Variants in STEAP1 observed in about 807,000 individuals in gnomAD.
STEAP1 encodes STEAP1 protein.
A neutral mutation model predicts 34.4 loss-of-function variants in STEAP1; 30 were observed. The ratio of observed to expected loss-of-function variants is 0.87; its 90% confidence interval spans 0.65 to 1.18. The LOEUF is 1.18. Ranked by LOEUF, STEAP1 falls within the 50% of genes most tolerant of loss-of-function variation. The probability of loss-of-function intolerance (pLI) is 0.00; values close to 1 mark genes in which losing one functional copy is unlikely to be tolerated. For synonymous variants in STEAP1, 116 were observed against 135.3 expected (o/e 0.86, Z 0.99); for missense variants, 318 against 391.1 (o/e 0.81, Z 1.58).
At chr7:90,154,629 C>T (rs1379081915) in intron 1 of STEAP1, 86 bp downstream of exon 1, 1 of 152,594 alleles carries the variant, frequency 6.6e-6, no homozygotes, top group Non-Finnish European at 1.5e-5. Flanking sequence ...CGCTCCCAGT[C>T]TTGGGAGGGG....
At chr7:90,163,299 C>T (rs1403501633) in intron 4 of STEAP1, among the ~76,000 whole-genome samples, 1 of 152,138 alleles carries the variant, frequency 6.6e-6, no homozygotes, top group East Asian at 1.9e-4. Flanking sequence ...GTTCTTTGGT[C>T]CTCATTAAAT....
At position 90,161,128 on chromosome 7, in the gene STEAP1, A is replaced by C; in HGVS notation, c.408A>C (p.Ala136=). The change falls in exon 3 of 5, where the codon GCA becomes GCC. Residue 136 remains alanine, a synonymous_variant. Coordinates refer to ENST00000297205, the MANE Select transcript of STEAP1 (RefSeq NM_012449.3). ...LALVYLPGVI[A]AIVQLHNGTK... ...TGGTTTACCTGCCAGGTGTGATAGCAGCAATTGTCCAACTTCATAATGGAA... is the reference window on the plus strand; with the variant it reads ...TGGTTTACCTGCCAGGTGTGATAGCCGCAATTGTCCAACTTCATAATGGAA... 1 of 1,613,966 alleles carries C rather than the reference A, an allele frequency of 6.2e-7. No individual in the cohort carries two copies. Among genetic ancestry groups the C allele is most frequent in the Non-Finnish European group, 8.5e-7 (1 of 1,179,816 alleles).
intron 4 of STEAP1, among the ~76,000 whole-genome samples, chr7:90,163,332 G>C (rs1355428676): frequency 2.0e-5 from 3 of 152,122 alleles, no homozygotes; most frequent in Non-Finnish European, 4.4e-5. Flanking sequence ...ACATTGCTCT[G>C]CCTGTTACAC....
At chr7:90,157,497 G>T (rs1794131368) in intron 1 of STEAP1, among the ~76,000 whole-genome samples, 1 of 152,146 alleles carries the variant, frequency 6.6e-6, no homozygotes, top group African/African-American at 2.4e-5. Flanking sequence ...GCCAATCAAT[G>T]GGAAAACAGG....
chr7:90,162,918 A>G, intron 4 of STEAP1: 1 of 299,002 alleles, frequency 3.3e-6, no homozygotes, highest in Non-Finnish European at 7.8e-6. Context: ...GTTTCTAAAT[A>G]TTCTTGTAAT....
intron 4 of STEAP1, among the ~76,000 whole-genome samples, 192 bp from the exon 5 acceptor site, chr7:90,164,285 G>T (rs1794221714): frequency 1.3e-5 from 2 of 152,128 alleles, no homozygotes. Context: ...TTGGAGACAA[G>T]AAATTACCCA....
At chr7:90,162,263 T>C (rs950567153) in intron 4 of STEAP1, 185 bp downstream of exon 4, 5 of 848,454 alleles carry the variant, frequency 5.9e-6, no homozygotes, top group African/African-American at 3.6e-5. Flanking sequence ...GACAAGTGTT[T>C]CCTAGACATA....
chr7:90,164,601 T>G lies in STEAP1; in HGVS notation c.887T>G (p.Phe296Cys). Residue 296 changes from phenylalanine (F) to cysteine (C), a missense_variant, in exon 5 of 5, where the codon TTC (phenylalanine) becomes TGC (cysteine). By Grantham distance (205) the Phe-to-Cys change is radical. Transcript: ENST00000297205. ...YTPPTFMIAV[F>C]LPIVVLIFKS... ...CCTCCAACTTTTATGATAGCTGTTTTCCTTCCAATTGTTGTCCTGATATTT... is the reference window on the plus strand; with the variant it reads ...CCTCCAACTTTTATGATAGCTGTTTGCCTTCCAATTGTTGTCCTGATATTT... 1 of 1,613,822 alleles carries G rather than the reference T, an allele frequency of 6.2e-7. No individual in the cohort carries two copies. The highest frequency in any genetic ancestry group is 8.5e-7 in the Non-Finnish European group (1 of 1,179,842).
chr7:90,155,024 C>G (rs994189798), intron 1 of STEAP1, among the ~76,000 whole-genome samples: 4 of 152,142 alleles, frequency 2.6e-5, no homozygotes, highest in African/African-American at 9.7e-5. Flanking sequence ...CTTTCAGGAT[C>G]TGGGTGGGGT....
At chr7:90,159,986 A>G (rs560140016) in intron 2 of STEAP1, 114 bp downstream of exon 2, 4 of 666,682 alleles carry the variant, frequency 6.0e-6, no homozygotes, top group East Asian at 4.1e-5. Context: ...TAGTCTGCTG[A>G]TATCTGGACT....
intron 4 of STEAP1, among the ~76,000 whole-genome samples, chr7:90,162,571 C>T (rs1210745058): frequency 6.6e-6 from 1 of 151,964 alleles, no homozygotes; most frequent in Non-Finnish European, 1.5e-5. Flanking sequence ...TCAAATGATC[C>T]GCCCACCTCG....
At chr7:90,161,774 A>AG (rs950496848) in intron 3 of STEAP1, 140 bp from the exon 4 acceptor site, 15 of 1,386,314 alleles carry the variant, frequency 1.1e-5, no homozygotes, top group Non-Finnish European at 1.3e-5. Flanking sequence ...ATGCAAAAAA[A>AG]AAAAAAGAAA....
chr7:90,163,506 C>A (rs1794212291), intron 4 of STEAP1, among the ~76,000 whole-genome samples: 2 of 152,120 alleles, frequency 1.3e-5, no homozygotes, highest in African/African-American at 2.4e-5. Flanking sequence ...CAACTAGTAA[C>A]CTAGAAATGT....
At chr7:90,162,377 G>C (rs1794198711) in intron 4 of STEAP1, 1 of 271,468 alleles carries the variant, frequency 3.7e-6, no homozygotes, top group African/African-American at 2.3e-5. Flanking sequence ...TGCCCATGCT[G>C]GAGTACAGTG....
Position 90,160,948 on chromosome 7 carries a change from A to C in STEAP1, c.228A>C (p.Lys76Asn). Residue 76 changes from lysine to asparagine, a missense_variant, in exon 3 of 5, where the codon AAA becomes AAC. By Grantham distance (94) the Lys-to-Asn change is moderately conservative (BLOSUM62 0). Coordinates refer to ENST00000297205, the MANE Select transcript of STEAP1 (RefSeq NM_012449.3). ...TTCCACAGTGGCACTTGCCAATTAA[A>C]ATAGCTGCTATTATAGCATCTCTGA... is the stretch of plus-strand genomic sequence containing the variant. ...ELFPQWHLPI[K>N]IAAIIASLTF... 1 of 1,614,018 alleles carries C rather than the reference A, an allele frequency of 6.2e-7. No individual in the cohort carries two copies. Among genetic ancestry groups the C allele is most frequent in the Non-Finnish European group, 8.5e-7 (1 of 1,179,856 alleles).
chr7:90,162,153 C>T (rs1794194790), intron 4 of STEAP1, 75 bp downstream of exon 4: 2 of 1,480,062 alleles, frequency 1.4e-6, no homozygotes, highest in East Asian at 2.4e-5. Context: ...GTTGACTTTA[C>T]CCCATAAAAA....
intron 1 of STEAP1, among the ~76,000 whole-genome samples, chr7:90,156,970 G>A (rs956357942): frequency 2.0e-5 from 3 of 152,208 alleles, no homozygotes; most frequent in African/African-American, 2.4e-5. Context: ...GCGTAATACA[G>A]TTGGTTAAGT....
chr7:90,158,447 A>G (rs1794140767), intron 1 of STEAP1, among the ~76,000 whole-genome samples: 1 of 151,688 alleles, frequency 6.6e-6, no homozygotes, highest in African/African-American at 2.4e-5. Flanking sequence ...TTCTATTTCT[A>G]ATTTTTTTTT....
intron 4 of STEAP1, among the ~76,000 whole-genome samples, chr7:90,163,876 T>A (rs1161618847): frequency 6.6e-6 from 1 of 152,206 alleles, no homozygotes; most frequent in East Asian, 1.9e-4. Context: ...TATTTCCATG[T>A]TATCAGAATA....
Sources: gnomAD v4.1 joint callset for allele counts (sites outside exome capture counted in the v4.1 genomes callset) on GRCh38, gnomAD v4.1.1 for gene constraint, MANE v1.5 for transcripts, NCBI Gene and HGNC (gene_info 2026-07-23, HGNC 2026-07-21) for gene names.